The following EIF2A variants were observed in gnomAD, a reference collection of about 807,000 sequenced individuals.
EIF2A encodes the protein 65 kDa eukaryotic translation initiation factor 2A.
Under a neutral mutation model 75.2 loss-of-function variants are expected in EIF2A, and 62 were observed. That is an observed-to-expected ratio of 0.82 (90% CI 0.67 to 1.02). EIF2A has a LOEUF of 1.02. Ranked by LOEUF, EIF2A falls within the 50% of genes least tolerant of loss-of-function variation. The pLI, the probability that EIF2A is intolerant of heterozygous loss-of-function variation, is 0.00. For missense variants in EIF2A, 611 were observed against 677.7 expected (o/e 0.90, Z 1.09); for synonymous variants, 207 against 239.0 (o/e 0.87, Z 1.23).
chr3:150,572,954 ATTG>A (rs1364713755), intron 10 of EIF2A, among the ~76,000 whole-genome samples: 1 of 151,932 alleles, frequency 6.6e-6, no homozygotes. Flanking sequence ...TTTAACCAGT[ATTG>A]TTTTATTTAT....
chr3:150,555,104 G>A (rs1033398449), intron 2 of EIF2A, among the ~76,000 whole-genome samples: 1 of 150,666 alleles, frequency 6.6e-6, no homozygotes, highest in Non-Finnish European at 1.5e-5. Context: ...ATTTTTGTAT[G>A]TTTTGTAGAG....
intron 2 of EIF2A, among the ~76,000 whole-genome samples, chr3:150,553,035 A>C (rs13071114): frequency 6.6e-6 from 1 of 152,048 alleles, no homozygotes; most frequent in South Asian, 2.1e-4. Context: ...TTAAATTAAA[A>C]GCTGGGCCCG....
chr3:150,581,549 G>A, intron 11 of EIF2A, 69 bp from the exon 12 acceptor site: 2 of 1,507,094 alleles, frequency 1.3e-6, no homozygotes, highest in Non-Finnish European at 1.8e-6. Flanking sequence ...ATATGCCAAA[G>A]CTATGTTGAT....
At position 150,563,558 on chromosome 3, in the gene EIF2A, T is replaced by C; in HGVS notation, c.336T>C (p.Tyr112=). The change falls in exon 5 of 14, where the codon TAT becomes TAC. Residue 112 remains tyrosine (Y), a synonymous_variant. Transcript: ENST00000460851. ...CTGGGATACCCAACCTACAACTTTA[T>C]GATGTGAAAACTGGGACATGTTTGA... ...GTAGIPNLQL[Y]DVKTGTCLKS... 1.3e-6 allele frequency: 2 copies of C among 1,544,658 alleles called. No individual in the cohort carries two copies. Among genetic ancestry groups the C allele is most frequent in the Non-Finnish European group, 1.7e-6 (2 of 1,145,898 alleles).
rs767738799 is a variant in EIF2A at position 150,546,824 on chromosome 3, T to A, written c.22T>A (p.Leu8Met). MAPSTPL[L>M]TVRGSEGLYM... is the part of the protein sequence containing the mutation. Reference sequence around the variant, plus strand: ...CAACATGGCGCCGTCCACGCCGCTCTTGACAGGTGAGTTCTGAAGAAGCGA... The same window carrying A: ...CAACATGGCGCCGTCCACGCCGCTCATGACAGGTGAGTTCTGAAGAAGCGA... Residue 8 changes from leucine (L) to methionine (M), a missense_variant, in exon 1 of 14, where the codon TTG becomes ATG. Physicochemically the swap from Leu to Met is conservative, Grantham distance 15. Transcript: ENST00000460851. 18 of 1,612,374 alleles carry A rather than the reference T, an allele frequency of 1.1e-5. No homozygotes were observed. The highest frequency in any genetic ancestry group is 7.7e-5 in the South Asian group (7 of 91,040).
chr3:150,552,330 T>A (rs1023253854), intron 1 of EIF2A, 26 bp from the exon 2 acceptor site: 3 of 1,540,018 alleles, frequency 1.9e-6, no homozygotes, highest in Non-Finnish European at 2.6e-6. Flanking sequence ...AAAGTAATTG[T>A]GGTTCTTTTT....
chr3:150,572,441 C>A lies in EIF2A; in HGVS notation c.1295C>A (p.Pro432Gln), dbSNP rs756302107. 6.2e-7 allele frequency: 1 copy of A among 1,613,960 alleles called. No homozygotes were observed. The highest frequency in any genetic ancestry group is 2.2e-5 in the East Asian group (1 of 44,880). Residue 432 changes from proline (P) to glutamine (Q), a missense_variant, in exon 10 of 14, where the codon CCA (proline) becomes CAA (glutamine). Transcript: ENST00000460851. Reference protein sequence around the residue: ...PAKTITYQAVPSEVPNEEPKV... With the variant: ...PAKTITYQAVQSEVPNEEPKV... ...AAAACAATAACTTACCAAGCAGTTC[C>A]AAGTGAAGTACCCAATGAGGAACCT...
intron 11 of EIF2A, among the ~76,000 whole-genome samples, chr3:150,577,057 A>C (rs1457513708): frequency 6.6e-6 from 1 of 152,168 alleles, no homozygotes; most frequent in Non-Finnish European, 1.5e-5. Context: ...TCACAGTTCT[A>C]GAAGCTGGGG....
chr3:150,558,580 T>C, intron 3 of EIF2A, 118 bp downstream of exon 3: 1 of 862,534 alleles, frequency 1.2e-6, no homozygotes, highest in South Asian at 2.5e-5. Flanking sequence ...TGTCATGATG[T>C]AGTGAGATAT....
chr3:150,558,637 A>C (rs1462998213), intron 3 of EIF2A, 175 bp downstream of exon 3: 5 of 434,854 alleles, frequency 1.1e-5, no homozygotes, highest in Non-Finnish European at 2.0e-5. Flanking sequence ...ATTTCTATGT[A>C]TATGCCATGA....
At chr3:150,577,622 T>C (rs1724948839) in intron 11 of EIF2A, among the ~76,000 whole-genome samples, 1 of 151,502 alleles carries the variant, frequency 6.6e-6, no homozygotes, top group African/African-American at 2.4e-5. Flanking sequence ...AGTTTTGCCA[T>C]GTTGCCCAGG....
At position 150,584,075 on chromosome 3, in the gene EIF2A, T is replaced by TAA. The variant is rs1461713714; in HGVS notation, c.*165_*166insAA. On this transcript the variant is annotated 3_prime_UTR_variant, in exon 14 of 14. Transcript: ENST00000460851. ...AAGTGTAAAATTATTTAATAATGTC[T>TAA]ATTAAATTGATATTTATATCTTGCA... is the stretch of plus-strand genomic sequence containing the variant. The TAA allele has an allele frequency of 1.7e-6, 1 of 604,438 alleles. No homozygotes were observed. Among genetic ancestry groups the TAA allele is most frequent in the East Asian group, 3.0e-5 (1 of 33,450 alleles). The allele number at this position is 604,438 out of a possible 1,614,324, so 37.4% of individuals were successfully genotyped here.
intron 3 of EIF2A, among the ~76,000 whole-genome samples, chr3:150,559,500 T>TG (rs1315212525): frequency 6.9e-6 from 1 of 144,196 alleles, no homozygotes; most frequent in Non-Finnish European, 1.5e-5. Context: ...GCCCAGCCCT[T>TG]TTTTTTTTTT....
chr3:150,555,628 C>T (rs1478564351), intron 2 of EIF2A, among the ~76,000 whole-genome samples: 1 of 151,724 alleles, frequency 6.6e-6, no homozygotes, highest in African/African-American at 2.4e-5. Context: ...GTGGCTCATG[C>T]CTGTAATCCC....
At chr3:150,560,249 T>C (rs1209868045) in intron 3 of EIF2A, among the ~76,000 whole-genome samples, 1 of 152,212 alleles carries the variant, frequency 6.6e-6, no homozygotes, top group Non-Finnish European at 1.5e-5. Context: ...AGTTCTAGCA[T>C]TTATTTCATT....
intron 2 of EIF2A, among the ~76,000 whole-genome samples, chr3:150,554,145 A>C (rs900203430): frequency 6.6e-6 from 1 of 152,194 alleles, no homozygotes; most frequent in South Asian, 2.1e-4. Flanking sequence ...ATTCACACCA[A>C]CCTAAGATGG....
rs538552519 is a variant in EIF2A, at chr3:150,585,945, T to A, written c.*2034T>A. On this transcript the variant is annotated 3_prime_UTR_variant, in exon 14 of 14. Transcript: ENST00000460851. ...GAGAGTCCTCACCAGAACCTAACCA[T>A]GCTGGTGATATCCTCATCTCAGACT... Among the ~76,000 whole-genome samples the A allele has an allele frequency of 5.9e-5, 9 of 152,226 alleles. No homozygotes were observed. Among genetic ancestry groups the A allele is most frequent in the Non-Finnish European group, 1.2e-4 (8 of 68,042 alleles).
intron 3 of EIF2A, among the ~76,000 whole-genome samples, chr3:150,561,295 G>A (rs533310545): frequency 3.9e-5 from 6 of 152,108 alleles, no homozygotes; most frequent in South Asian, 4.2e-4. Flanking sequence ...ATACTTTTGC[G>A]GGCCGGACAC....
At chr3:150,549,933 G>A (rs1161061174) in intron 1 of EIF2A, among the ~76,000 whole-genome samples, 2 of 152,092 alleles carry the variant, frequency 1.3e-5, no homozygotes, top group African/African-American at 2.4e-5. Context: ...GTAAGAGTTG[G>A]GAAAAGTATC....
Sources: gnomAD v4.1 joint callset for allele counts (sites outside exome capture counted in the v4.1 genomes callset) on GRCh38, gnomAD v4.1.1 for gene constraint, MANE v1.5 for transcripts, NCBI Gene and HGNC (gene_info 2026-07-23, HGNC 2026-07-21) for gene names.